MCOLN3: variants seen among roughly 807,000 people sequenced by gnomAD.
The protein encoded by MCOLN3 is mucolipin TRP cation channel 3.
MCOLN3 carries 62 observed loss-of-function variants against 69.4 expected under a neutral mutation model. The ratio of observed to expected loss-of-function variants is 0.89; its 90% CI spans 0.73 to 1.10. MCOLN3 has a LOEUF of 1.10. Ranked by LOEUF, MCOLN3 falls within the 50% of genes least tolerant of loss-of-function variation. The probability of loss-of-function intolerance (pLI) is 0.00; values close to 1 mark genes in which losing one functional copy is unlikely to be tolerated. For synonymous variants in MCOLN3, 183 were observed against 217.0 expected (o/e 0.84, Z 1.38); for missense variants, 564 against 656.4 (o/e 0.86, Z 1.54).
At chr1:85,033,130 T>C (rs1221341712) in intron 4 of MCOLN3, among the ~76,000 whole-genome samples, 174 bp from the exon 5 acceptor site, 1 of 152,214 alleles carries the variant, frequency 6.6e-6, no homozygotes, top group Non-Finnish European at 1.5e-5. Context: ...TTACCGTGAC[T>C]CATGTGTTTT....
intron 2 of MCOLN3, among the ~76,000 whole-genome samples, chr1:85,044,582 A>G (rs1243446072): frequency 6.6e-6 from 1 of 152,228 alleles, no homozygotes; most frequent in Admixed American, 6.5e-5. Context: ...AGCCAAGGAA[A>G]TGTGATTTAA....
intron 2 of MCOLN3, among the ~76,000 whole-genome samples, chr1:85,042,097 G>C (rs886230551): frequency 1.3e-4 from 20 of 152,050 alleles, no homozygotes; most frequent in Non-Finnish European, 1.9e-4. Flanking sequence ...TGGAAGGCGG[G>C]AACAATGTTG....
chr1:85,037,740 G>A (rs558277089), intron 3 of MCOLN3, among the ~76,000 whole-genome samples: 23 of 152,276 alleles, frequency 1.5e-4, no homozygotes, highest in African/African-American at 3.6e-4. Flanking sequence ...AGAGGGTTAC[G>A]GGACAGAAAT....
At chr1:85,045,066 C>T in intron 2 of MCOLN3, 67 bp downstream of exon 2, 1 of 1,231,912 alleles carries the variant, frequency 8.1e-7, no homozygotes, top group Non-Finnish European at 1.1e-6. Flanking sequence ...AAAAAAAAAA[C>T]CACTGTCCAT....
intron 4 of MCOLN3, among the ~76,000 whole-genome samples, chr1:85,033,511 T>A (rs941818727): frequency 1.3e-5 from 2 of 152,216 alleles, no homozygotes; most frequent in Admixed American, 1.3e-4. Flanking sequence ...CAATACTTAT[T>A]TTTTAACTCA....
rs558851833 is a variant in MCOLN3, at chr1:85,018,766, C to T, written c.*357G>A. The T allele has an allele frequency of 1.3e-4, 24 of 181,356 alleles. No homozygotes were observed. Among genetic ancestry groups the T allele is most frequent in the Middle Eastern group, 2.4e-3 (1 of 414 alleles). The allele number at this position is 181,356 out of a possible 1,614,324, so 11.2% of individuals were successfully genotyped here. A position where few individuals can be genotyped will look rare whatever the true frequency, so the allele number is the denominator to read the frequency against. ...TGAGTTGTCCAAAGTCACAGTCAGA[C>T]CAAGGATTGTTTTCCACTAATTACA... On this transcript the variant is annotated 3_prime_UTR_variant, in exon 13 of 13. Transcript: ENST00000370589.
At chr1:85,037,337 T>C (rs1385475365) in intron 3 of MCOLN3, among the ~76,000 whole-genome samples, 1 of 152,028 alleles carries the variant, frequency 6.6e-6, no homozygotes, top group East Asian at 1.9e-4. Flanking sequence ...GGAGGTAAAC[T>C]GGGAAAGGCA....
intron 12 of MCOLN3, among the ~76,000 whole-genome samples, chr1:85,020,260 G>A (rs74095734): frequency 0.053 from 8,006 of 152,216 alleles, 240 homozygotes; most frequent in African/African-American, 0.08. Context: ...CACAGCCCTG[G>A]CTTCATGAGC....
chr1:85,047,589 C>CCTCT (rs1571134953), intron 1 of MCOLN3: 1 of 152,250 alleles, frequency 6.6e-6, no homozygotes, highest in African/African-American at 2.4e-5. Flanking sequence ...TCCTGGCGGG[C>CCTCT]AGAGGCTTGA....
intron 1 of MCOLN3, among the ~76,000 whole-genome samples, chr1:85,047,873 C>T (rs1653453694): frequency 6.6e-6 from 1 of 152,234 alleles, no homozygotes; most frequent in Non-Finnish European, 1.5e-5. Context: ...TGCCGTGGAG[C>T]TCAGACGGCC....
chr1:85,026,912 C>A (rs1192490010), intron 7 of MCOLN3, among the ~76,000 whole-genome samples: 1 of 150,536 alleles, frequency 6.6e-6, no homozygotes, highest in African/African-American at 2.4e-5. Context: ...TGCCACCATA[C>A]CGGGCTAATT....
At chr1:85,022,531 G>T in intron 9 of MCOLN3, 131 bp from the exon 10 acceptor site, 2 of 610,698 alleles carry the variant, frequency 3.3e-6, no homozygotes, top group Non-Finnish European at 2.9e-6. Flanking sequence ...AAAAGTCTCT[G>T]CTCTCATAAA....
At chr1:85,041,202 A>G (rs753511500) in intron 2 of MCOLN3, 25 bp from the exon 3 acceptor site, 1 of 1,594,984 alleles carries the variant, frequency 6.3e-7, no homozygotes, top group East Asian at 2.2e-5. Flanking sequence ...AAGAAAAGGT[A>G]AGAGGGTGGA....
chr1:85,023,487 G>A (rs1390037188), intron 9 of MCOLN3: 1 of 152,264 alleles, frequency 6.6e-6, no homozygotes, highest in Non-Finnish European at 1.5e-5. Context: ...AGTAACTGAT[G>A]AGAGTTACCA....
chr1:85,025,722 T>C, intron 9 of MCOLN3: 1 of 506,566 alleles, frequency 2.0e-6, no homozygotes. Context: ...AGGCACCCAA[T>C]GATTCTGATG....
intron 12 of MCOLN3, among the ~76,000 whole-genome samples, chr1:85,020,618 C>G (rs1651877608): frequency 6.6e-6 from 1 of 152,228 alleles, no homozygotes; most frequent in African/African-American, 2.4e-5. Context: ...GGCTTGTGCC[C>G]TGCAGGGCCT....
chr1:85,045,090 AT>A (rs1557695287), intron 2 of MCOLN3, 42 bp downstream of exon 2: 1 of 1,497,292 alleles, frequency 6.7e-7, no homozygotes. Flanking sequence ...TATCTTTGTA[AT>A]TAAAAGAGGC....
intron 7 of MCOLN3, among the ~76,000 whole-genome samples, chr1:85,028,620 CA>C (rs1022150418): frequency 6.6e-6 from 1 of 152,214 alleles, no homozygotes; most frequent in African/African-American, 2.4e-5. Context: ...TTTCCTCTTT[CA>C]GTACACTTTT....
intron 9 of MCOLN3, chr1:85,025,110 T>C (rs1331844547): frequency 6.6e-6 from 1 of 152,214 alleles, no homozygotes; most frequent in Non-Finnish European, 1.5e-5. Flanking sequence ...GGCAAGTCCT[T>C]AAGGGGTGGC....
Sources: gnomAD v4.1 joint callset for allele counts (sites outside exome capture counted in the v4.1 genomes callset) on GRCh38, gnomAD v4.1.1 for gene constraint, MANE v1.5 for transcripts, NCBI Gene and HGNC (gene_info 2026-07-23, HGNC 2026-07-21) for gene names.